DNAH5: variants seen among roughly 807,000 people sequenced by gnomAD.
DNAH5 encodes the protein dynein axonemal heavy chain 5, also known as axonemal beta dynein heavy chain 5.
A neutral mutation model predicts 518.2 loss-of-function variants in DNAH5; 372 were observed. The ratio of observed to expected loss-of-function variants is 0.72; its 90% CI spans 0.66 to 0.78. The LOEUF (loss-of-function observed/expected upper bound fraction) is 0.78, where lower values mean the gene tolerates loss of function less well. DNAH5 is among the 30% of genes least tolerant of loss of function. The pLI is 0.00. For synonymous variants in DNAH5, 2,039 were observed against 2,025.9 expected (o/e 1.01, Z -0.17); for missense variants, 5,523 against 5,687.0 (o/e 0.97, Z 0.93).
rs1177346104 is a variant in DNAH5, at chr5:13,809,114, G to A, written c.7682C>T (p.Ser2561Phe). The change falls in exon 46 of 79, where the codon TCT becomes TTT. Residue 2561 changes from serine to phenylalanine, a missense_variant. This residue lies in a region of DNAH5 where 5,121 missense variants were observed against 5,223.3 expected (regional missense o/e 0.98). Coordinates refer to ENST00000265104, the MANE Select transcript of DNAH5 (RefSeq NM_001369.3). Reference sequence around the variant, plus strand: ...ATTGTCAACATTTGGCACCAGAATAGAACCATACTCTGGGGTGGTATCAGA... The same window carrying A: ...ATTGTCAACATTTGGCACCAGAATAAAACCATACTCTGGGGTGGTATCAGA... The part of the protein sequence containing the change: ...YPSDTTPEYG[S>F]ILVPNVDNVR... The A allele has an allele frequency of 1.2e-6, 2 of 1,613,920 alleles. No individual in the cohort carries two copies. The highest frequency in any genetic ancestry group is 1.7e-6 in the Non-Finnish European group (2 of 1,179,882).
At chr5:13,792,318 A>G in intron 49 of DNAH5, 101 bp from the exon 50 acceptor site, 1 of 889,320 alleles carries the variant, frequency 1.1e-6, no homozygotes, top group Non-Finnish European at 1.8e-6. Flanking sequence ...GTCATTATAC[A>G]TTTTAATAGA....
At chr5:13,737,162 A>G (rs1480799518) in intron 66 of DNAH5, 90 bp downstream of exon 66, 2 of 1,572,796 alleles carry the variant, frequency 1.3e-6, no homozygotes, top group Non-Finnish European at 1.7e-6. Flanking sequence ...AATCATTTGT[A>G]TAACTCCCTC....
At chr5:14,009,298 A>G (rs1203831432) in intron 1 of DNAH5, among the ~76,000 whole-genome samples, 1 of 152,198 alleles carries the variant, frequency 6.6e-6, no homozygotes, top group Non-Finnish European at 1.5e-5. Flanking sequence ...GCAGGAACCA[A>G]TTCCTCCAAA....
intron 12 of DNAH5, among the ~76,000 whole-genome samples, chr5:13,910,429 C>T (rs1477542200): frequency 1.3e-5 from 2 of 152,220 alleles, no homozygotes; most frequent in Non-Finnish European, 2.9e-5. Flanking sequence ...TTTGTTATGA[C>T]TCATTCTAAC....
In DNAH5 at chr5:13,894,816, C is replaced by T; in HGVS notation, c.2265G>A (p.Met755Ile). 6.2e-7 allele frequency: 1 copy of T among 1,613,464 alleles called. No homozygotes were observed. The highest frequency in any genetic ancestry group is 8.5e-7 in the Non-Finnish European group (1 of 1,179,924). The change falls in exon 16 of 79, where the codon ATG becomes ATA. Residue 755 changes from methionine (M) to isoleucine (I), a missense_variant. Around this residue, in one of 3 missense-constraint regions of DNAH5, gnomAD observed 5,121 missense variants for 5,223.3 expected, o/e 0.98. Coordinates refer to ENST00000265104, the MANE Select transcript of DNAH5 (RefSeq NM_001369.3). ...ACTTCACTCTCTGATATTCAGCTAGCATCATCTGCAATGAAATTGGGGTTA... is the reference window on the plus strand; with the variant it reads ...ACTTCACTCTCTGATATTCAGCTAGTATCATCTGCAATGAAATTGGGGTTA... The part of the protein sequence containing the change: ...YKRNFSNMKM[M>I]LAEYQRVKSK...
At position 13,717,484 on chromosome 5, in the gene DNAH5, G is replaced by C. The variant is rs1157273624; in HGVS notation, c.12536C>G (p.Ser4179Cys). 1 of 1,614,182 alleles carries C rather than the reference G, an allele frequency of 6.2e-7. No homozygotes were observed. The highest frequency in any genetic ancestry group is 1.7e-5 in the Admixed American group (1 of 60,024). Residue 4179 changes from serine to cysteine, a missense_variant, in exon 73 of 79, where the codon TCC (serine) becomes TGC (cysteine). This residue lies in a region of DNAH5 where 5,121 missense variants were observed against 5,223.3 expected (regional missense o/e 0.98). Coordinates refer to ENST00000265104, the MANE Select transcript of DNAH5 (RefSeq NM_001369.3). ...SQDLLDVSSG[S>C]QWKPMLYAVA... The stretch of plus-strand genomic sequence containing the variant: ...TGCGTACAGCATGGGCTTCCACTGG[G>C]ACCCAGAGCTCACGTCCAGCAGGTC...
rs371482598 is a variant in DNAH5, at chr5:13,701,236, G to A, written c.13491+48C>T. On this transcript the variant is annotated intron_variant, in intron 77 of 78. Coordinates refer to ENST00000265104, the MANE Select transcript of DNAH5 (RefSeq NM_001369.3). ...TAAAACTATAATGATGGAAAATCCT[G>A]TGGAGGAAAATTATAATAACGCAAC... 10 of 1,611,992 alleles carry A rather than the reference G, an allele frequency of 6.2e-6. No individual in the cohort carries two copies. The African/African-American group carries it at 9.4e-5, about 15-fold the overall frequency.
rs1163959974 is a variant in DNAH5, at chr5:13,864,401, A to G, written c.4592T>C (p.Ile1531Thr). The change falls in exon 28 of 79, where the codon ATA (isoleucine) becomes ACA (threonine). Residue 1531 changes from isoleucine to threonine, a missense_variant. By Grantham distance (89) the Ile-to-Thr change is moderately conservative. Transcript: ENST00000265104. ...TTCCATCACATCATACTCTACCTCT[A>G]TTTCCTCTTTATATTTCAGAAGAGG... Reference protein sequence around the residue: ...EAPLLKYKEEIEDICISAVKE... With the variant: ...EAPLLKYKEETEDICISAVKE... The G allele has an allele frequency of 1.9e-6, 3 of 1,613,694 alleles. No homozygotes were observed. Among genetic ancestry groups the G allele is most frequent in the African/African-American group, 1.3e-5 (1 of 74,874 alleles).
Position 13,719,003 on chromosome 5 carries a change from G to A in DNAH5, c.12378C>T (p.Phe4126=), listed in dbSNP as rs760658244. Residue 4126 remains phenylalanine (F), a synonymous_variant, in exon 72 of 79, where the codon TTC becomes TTT. Transcript: ENST00000265104. ...GAGCCTCGGTGGTCATCCAGAGGCG[G>A]AACGCATCATGTACAAGCTCAGTTT... is the stretch of plus-strand genomic sequence containing the variant. ...IIETELVHDA[F]RLWMTTEAHK... 5.0e-6 allele frequency: 8 copies of A among 1,613,824 alleles called. No individual in the cohort carries two copies. The highest frequency in any genetic ancestry group is 5.1e-6 in the Non-Finnish European group (6 of 1,179,934).
At chr5:13,917,009 T>C in intron 8 of DNAH5, 134 bp downstream of exon 8, 1 of 720,864 alleles carries the variant, frequency 1.4e-6, no homozygotes, top group Non-Finnish European at 2.4e-6. Context: ...TATATATATG[T>C]AATTTTCTTG....
intron 32 of DNAH5, among the ~76,000 whole-genome samples, chr5:13,842,605 C>G (rs1306804455): frequency 6.6e-6 from 1 of 151,922 alleles, no homozygotes; most frequent in Non-Finnish European, 1.5e-5. Context: ...TTTAAAATCT[C>G]TAAAGTTTCT....
intron 22 of DNAH5, among the ~76,000 whole-genome samples, chr5:13,872,689 AT>A (rs1770295725): frequency 6.6e-6 from 1 of 152,164 alleles, no homozygotes; most frequent in South Asian, 2.1e-4. Context: ...TGCTGACATA[AT>A]GCAGAGGTCA....
At chr5:13,806,721 GT>G (rs1301738151) in intron 47 of DNAH5, among the ~76,000 whole-genome samples, 1 of 152,002 alleles carries the variant, frequency 6.6e-6, no homozygotes, top group Non-Finnish European at 1.5e-5. Context: ...TTTCAATAAG[GT>G]CTTGTACAAT....
chr5:13,830,771 A>G lies in DNAH5; in HGVS notation c.5887T>C (p.Tyr1963His). 6.2e-7 allele frequency: 1 copy of G among 1,614,116 alleles called. No homozygotes were observed. Among genetic ancestry groups the G allele is most frequent in the Non-Finnish European group, 8.5e-7 (1 of 1,179,992 alleles). ...LVITPLTDRC[Y>H]ITLAQALGMS... ...CCCAGAGCTTGAGCCAGCGTGATGT[A>G]ACATCTGCATGGGTAGAAACATCAC... Residue 1963 changes from tyrosine to histidine, a missense_variant, in exon 36 of 79, where the codon TAC becomes CAC. Coordinates refer to ENST00000265104, the MANE Select transcript of DNAH5 (RefSeq NM_001369.3).
In DNAH5 at chr5:13,870,988, C is replaced by T. The variant is rs767655417; in HGVS notation, c.3613G>A (p.Ala1205Thr). The T allele has an allele frequency of 1.2e-5, 20 of 1,613,318 alleles. No individual in the cohort carries two copies. Among genetic ancestry groups the T allele is most frequent in the Admixed American group, 8.4e-5 (5 of 59,878 alleles). ...CAGGCCTTTGTCTCAGCAGTCAGGG[C>T]GAACTTCAAGTCAGCTGTAAAAACC... ...IALYTADLKF[A>T]LTAETKAWMV... The change falls in exon 24 of 79, where the codon GCC becomes ACC. Residue 1205 changes from alanine to threonine, a missense_variant. Ala to Thr is a moderately conservative substitution (Grantham distance 58). Around this residue, in one of 3 missense-constraint regions of DNAH5, gnomAD observed 5,121 missense variants for 5,223.3 expected, o/e 0.98. Coordinates refer to ENST00000265104, the MANE Select transcript of DNAH5 (RefSeq NM_001369.3).
intron 44 of DNAH5, among the ~76,000 whole-genome samples, chr5:13,811,238 A>G (rs1346976045): frequency 6.6e-6 from 1 of 152,214 alleles, no homozygotes; most frequent in Non-Finnish European, 1.5e-5. Flanking sequence ...GAGGTGATAG[A>G]TACCCCATTC....
Position 13,707,523 on chromosome 5 carries a change from T to C in DNAH5, c.13338+600A>G, listed in dbSNP as rs1445212457. Among the ~76,000 whole-genome samples, 1 of 152,128 alleles carries C rather than the reference T, an allele frequency of 6.6e-6. No individual in the cohort carries two copies. The highest frequency in any genetic ancestry group is 1.5e-5 in the Non-Finnish European group (1 of 68,016). Reference sequence around the variant, plus strand: ...TAAACACTAACCCTAGACACTGCCATGGGGTTGGAGCCCCAGAACAGTCCC... The same window carrying C: ...TAAACACTAACCCTAGACACTGCCACGGGGTTGGAGCCCCAGAACAGTCCC... On this transcript the variant is annotated intron_variant, in intron 76 of 78. Transcript: ENST00000265104. This position sits in a 1 kb window ranked among gnomAD's most constrained non-coding sequence, Gnocchi z 4.0.
intron 76 of DNAH5, among the ~76,000 whole-genome samples, chr5:13,702,957 C>A (rs952440126): frequency 1.3e-5 from 2 of 151,840 alleles, no homozygotes; most frequent in Non-Finnish European, 2.9e-5. Context: ...TGTAGGCTGC[C>A]CTCTCTGTGC....
rs146761311 is a variant in DNAH5 at position 13,914,345 on chromosome 5, C to T, written c.1320+175G>A. 7.2e-4 allele frequency among the ~76,000 whole-genome samples: 109 copies of T among 152,106 alleles called. 1 individual carries two copies. The highest frequency in any genetic ancestry group is 2.5e-3 in the African/African-American group (105 of 41,532). ...ACATAGTAGGCTCCCAAGGAGGGTACAAAAAGGTGAATAAATTTCCTGGGA... is the reference window on the plus strand; with the variant it reads ...ACATAGTAGGCTCCCAAGGAGGGTATAAAAAGGTGAATAAATTTCCTGGGA... On this transcript the variant is annotated intron_variant, in intron 10 of 78. Coordinates refer to ENST00000265104, the MANE Select transcript of DNAH5 (RefSeq NM_001369.3).
Sources: gnomAD v4.1 joint callset for allele counts (sites outside exome capture counted in the v4.1 genomes callset) on GRCh38, gnomAD v4.1.1 for gene constraint, gnomAD v4.1.1 regional missense constraint, Gnocchi (gnomAD v3.1) non-coding constraint, MANE v1.5 for transcripts, NCBI Gene and HGNC (gene_info 2026-07-23, HGNC 2026-07-21) for gene names.